The following GRIN3A variants were observed in gnomAD, a reference collection of about 807,000 sequenced individuals.
GRIN3A encodes glutamate receptor ionotropic, NMDA 3A.
In GRIN3A, 47 loss-of-function variants were observed where a neutral mutation model predicts 92.4. The observed-to-expected ratio is 0.51, with a 90% CI of 0.40 to 0.65. The LOEUF (loss-of-function observed/expected upper bound fraction) is 0.65. Ranked by LOEUF, GRIN3A falls within the 30% of genes least tolerant of loss-of-function variation. The pLI, the probability that GRIN3A is intolerant of heterozygous loss-of-function variation, is 0.00. For missense variants in GRIN3A, 1,324 were observed against 1,393.1 expected, an observed-to-expected ratio of 0.95 and a Z score of 0.79; for synonymous variants, 527 against 540.6, an observed-to-expected ratio of 0.97 and a Z score of 0.35.
chr9:101,708,139 G>A (rs964243104), intron 1 of GRIN3A, among the ~76,000 whole-genome samples: 2 of 152,170 alleles, frequency 1.3e-5, no homozygotes, highest in Non-Finnish European at 1.5e-5. Context: ...TAGTTGCTGA[G>A]AATAAAATAT....
intron 1 of GRIN3A, among the ~76,000 whole-genome samples, chr9:101,698,024 A>G (rs776549729): frequency 5.3e-5 from 8 of 152,232 alleles, no homozygotes; most frequent in Non-Finnish European, 1.2e-4. Flanking sequence ...TAAGAGAGGA[A>G]TAAAGAACAC....
chr9:101,675,667 GT>G (rs34531662), intron 2 of GRIN3A, among the ~76,000 whole-genome samples: 50 of 147,602 alleles, frequency 3.4e-4, no homozygotes, highest in African/African-American at 6.2e-4. Flanking sequence ...CATAGGAGGG[GT>G]TTTTTTTTTG....
intron 3 of GRIN3A, among the ~76,000 whole-genome samples, chr9:101,641,736 A>T (rs1390820827): frequency 6.6e-6 from 1 of 152,014 alleles, no homozygotes; most frequent in East Asian, 1.9e-4. Flanking sequence ...CATATGTAAC[A>T]AACCTGCACA....
At chr9:101,580,336 C>T (rs896382405) in intron 6 of GRIN3A, among the ~76,000 whole-genome samples, 7 of 152,146 alleles carry the variant, frequency 4.6e-5, no homozygotes, top group Non-Finnish European at 8.8e-5. Context: ...AGTTGACAGG[C>T]GCTATTCGTA....
chr9:101,723,004 C>A lies in GRIN3A; in HGVS notation c.699+14277G>T, dbSNP rs531921232. Among the ~76,000 whole-genome samples the A allele has an allele frequency of 1.2e-3, 190 of 152,214 alleles. 2 individuals carry two copies. Among genetic ancestry groups the A allele is most frequent in the African/African-American group, 4.4e-3 (182 of 41,530 alleles). The stretch of plus-strand genomic sequence containing the variant: ...GCAGAATGATACGGTTTGGCTGTGT[C>A]CCCACCCAAATCTCAACTTGAATTG... On this transcript the variant is annotated intron_variant, in intron 1 of 8. Coordinates refer to ENST00000361820, the MANE Select transcript of GRIN3A (RefSeq NM_133445.3).
rs1828100686 is a variant in GRIN3A, at chr9:101,595,037, C to A, written c.2767-15677G>T. 6 of 1,260,604 alleles carry A rather than the reference C, an allele frequency of 4.8e-6. No homozygotes were observed. The South Asian group carries it at 8.7e-5, about 18-fold the overall frequency. 78.1% of individuals were successfully genotyped at this position (1,260,604 alleles called of 1,614,324 possible). Reference sequence around the variant, plus strand: ...GCCATGGGGTGGGGGTAGAGGGCTCCCGGGGGCCCTGGTCGAGCAAAAGGG... The same window carrying A: ...GCCATGGGGTGGGGGTAGAGGGCTCACGGGGGCCCTGGTCGAGCAAAAGGG... On this transcript the variant is annotated intron_variant, in intron 6 of 8. Coordinates refer to ENST00000361820, the MANE Select transcript of GRIN3A (RefSeq NM_133445.3).
chr9:101,594,896 G>C (rs1336161046), intron 6 of GRIN3A: 2 of 1,600,214 alleles, frequency 1.2e-6, no homozygotes, highest in South Asian at 1.1e-5. Flanking sequence ...GCACATCTCC[G>C]CCGGGTAACT....
chr9:101,700,441 C>T (rs1001679012), intron 1 of GRIN3A, among the ~76,000 whole-genome samples: 1 of 152,090 alleles, frequency 6.6e-6, no homozygotes, highest in Non-Finnish European at 1.5e-5. Flanking sequence ...AAAACTGGCA[C>T]CTGAATGCTG....
At position 101,594,376 on chromosome 9, in the gene GRIN3A, G is replaced by A. The variant is rs1467951400; in HGVS notation, c.2767-15016C>T. ...CTTGAAAGAGATAGGGAAGAAAGCA[G>A]AAGTTGTTGGGTGGTGCTTGTAAGA... On this transcript the variant is annotated intron_variant, in intron 6 of 8. Transcript: ENST00000361820. 3.2e-6 allele frequency: 5 copies of A among 1,553,230 alleles called. No individual in the cohort carries two copies. In the African/African-American group the frequency reaches 6.9e-5, roughly 21 times the overall value.
At chr9:101,659,231 T>C (rs62576261) in intron 3 of GRIN3A, among the ~76,000 whole-genome samples, 19,792 of 151,708 alleles carry the variant, frequency 0.13, 1,578 homozygotes, top group Admixed American at 0.19. Flanking sequence ...AATGTGTCTA[T>C]GTGAACACAG....
At chr9:101,725,930 C>T (rs181024989) in intron 1 of GRIN3A, among the ~76,000 whole-genome samples, 72 of 152,266 alleles carry the variant, frequency 4.7e-4, no homozygotes, top group African/African-American at 1.7e-3. Context: ...TTATATTCTG[C>T]TGTATTTTTC....
chr9:101,708,596 T>C (rs1829838672), intron 1 of GRIN3A, among the ~76,000 whole-genome samples: 1 of 152,230 alleles, frequency 6.6e-6, no homozygotes, highest in Admixed American at 6.5e-5. Flanking sequence ...GTTCTGTTTA[T>C]ATTATAGAAA....
At chr9:101,594,579 C>A (rs1828085757) in intron 6 of GRIN3A, 2 of 1,614,052 alleles carry the variant, frequency 1.2e-6, no homozygotes, top group South Asian at 2.2e-5. Flanking sequence ...ATCTTCAGCA[C>A]CTGGAAGAGC....
chr9:101,687,098 A>G lies in GRIN3A; in HGVS notation c.802T>C (p.Leu268=), dbSNP rs1397586962. The G allele has an allele frequency of 6.2e-7, 1 of 1,614,208 alleles. No individual in the cohort carries two copies. Among genetic ancestry groups the G allele is most frequent in the Non-Finnish European group, 8.5e-7 (1 of 1,180,026 alleles). The change falls in exon 2 of 9, where the codon TTG becomes CTG. Residue 268 remains leucine, a synonymous_variant. Transcript: ENST00000361820. The stretch of plus-strand genomic sequence containing the variant: ...ATGTTCCAGTCTTCCTGGCACAGCA[A>G]CAAGCTAAAATTGTACCAGTTGTTC... The part of the protein sequence containing the change: ...TMNNWYNFSL[L]LCQEDWNITD...
chr9:101,615,611 T>A (rs1265673333), intron 5 of GRIN3A, among the ~76,000 whole-genome samples: 3 of 152,152 alleles, frequency 2.0e-5, no homozygotes, highest in Non-Finnish European at 4.4e-5. Context: ...TGCCTCGGCC[T>A]CCCAAATTGC....
chr9:101,615,812 T>C (rs557262517), intron 5 of GRIN3A, among the ~76,000 whole-genome samples: 7 of 151,826 alleles, frequency 4.6e-5, no homozygotes, highest in African/African-American at 7.3e-5. Flanking sequence ...TGTGCCACAA[T>C]CTGTTGCTGT....
chr9:101,614,454 C>A (rs1828411303), intron 5 of GRIN3A, among the ~76,000 whole-genome samples: 1 of 151,882 alleles, frequency 6.6e-6, no homozygotes, highest in Non-Finnish European at 1.5e-5. Flanking sequence ...GAACTAGAGG[C>A]AACAATATGG....
At position 101,664,885 on chromosome 9, in the gene GRIN3A, C is replaced by G. The variant is rs185527301; in HGVS notation, c.2352+5175G>C. 1.7e-3 allele frequency among the ~76,000 whole-genome samples: 252 copies of G among 152,006 alleles called. 2 individuals are homozygous for G. The highest frequency in any genetic ancestry group is 5.7e-3 in the African/African-American group (237 of 41,514). ...AGCTATTACATTCATTGTAAGTTAT[C>G]TGCTATCAGGGTTACAGATACGTAG... is the stretch of plus-strand genomic sequence containing the variant. On this transcript the variant is annotated intron_variant, in intron 3 of 8. Transcript: ENST00000361820.
At chr9:101,677,057 C>G (rs184583537) in intron 2 of GRIN3A, among the ~76,000 whole-genome samples, 1 of 151,630 alleles carries the variant, frequency 6.6e-6, no homozygotes, top group Admixed American at 6.6e-5. Context: ...CATTCAAGAG[C>G]CCTAAGCTAT....
Sources: gnomAD v4.1 joint callset for allele counts (sites outside exome capture counted in the v4.1 genomes callset) on GRCh38, gnomAD v4.1.1 for gene constraint, MANE v1.5 for transcripts, NCBI Gene and HGNC (gene_info 2026-07-23, HGNC 2026-07-21) for gene names.